The following ATP9B variants were observed in gnomAD, a reference collection of about 807,000 sequenced individuals.
ATP9B encodes probable phospholipid-transporting ATPase IIB.
A neutral mutation model predicts 146.1 loss-of-function variants in ATP9B; 110 were observed. The observed-to-expected ratio is 0.75, with a 90% confidence interval of 0.65 to 0.88. The LOEUF (loss-of-function observed/expected upper bound fraction) is 0.88. ATP9B is among the 40% of genes least tolerant of loss of function. ATP9B has a pLI of 0.00. For missense variants in ATP9B, 1,499 were observed against 1,496.4 expected (o/e 1.00, Z -0.03); for synonymous variants, 604 against 569.7 (o/e 1.06, Z -0.86).
intron 7 of ATP9B, among the ~76,000 whole-genome samples, chr18:79,155,579 G>A (rs2094762196): frequency 6.6e-6 from 1 of 151,928 alleles, no homozygotes; most frequent in African/African-American, 2.4e-5. Context: ...AGTTTTTATA[G>A]GAAGCTAAGC....
chr18:79,354,863 G>A (rs963155203), intron 25 of ATP9B, among the ~76,000 whole-genome samples: 2 of 152,242 alleles, frequency 1.3e-5, no homozygotes, highest in South Asian at 2.1e-4. Flanking sequence ...CTCTCCAACC[G>A]TGGGTCCACG....
chr18:79,314,505 TGAAGTGTGATGTGTCTTGTGTG>T (rs1437789077), intron 15 of ATP9B, among the ~76,000 whole-genome samples: 29 of 152,190 alleles, frequency 1.9e-4, no homozygotes, highest in African/African-American at 6.8e-4. Flanking sequence ...ATTAAACACT[TGAAGTGTGATGTGTCTTGTGTG>T]GTATGTGTGG....
intron 5 of ATP9B, among the ~76,000 whole-genome samples, chr18:79,132,633 C>T (rs2094394535): frequency 6.6e-6 from 1 of 152,192 alleles, no homozygotes. Context: ...TATTATTGAG[C>T]ACAGTTTAAA....
intron 6 of ATP9B, among the ~76,000 whole-genome samples, chr18:79,147,246 TTA>T (rs2094606136): frequency 1.0e-5 from 1 of 95,892 alleles, no homozygotes; most frequent in Non-Finnish European, 2.3e-5. Context: ...GCAAGTCCAG[TTA>T]CAAGTGGTTA....
At chr18:79,365,301 G>A (rs746670189) in intron 26 of ATP9B, among the ~76,000 whole-genome samples, 3 of 152,126 alleles carry the variant, frequency 2.0e-5, no homozygotes, top group African/African-American at 7.2e-5. Context: ...TGAAGCCACC[G>A]TGAGATGCCG....
chr18:79,310,876 C>CA (rs2096648920), intron 15 of ATP9B, among the ~76,000 whole-genome samples: 1 of 152,072 alleles, frequency 6.6e-6, no homozygotes, highest in Admixed American at 6.5e-5. Context: ...TGGGGCCAGG[C>CA]ATGGTGGGTC....
rs116790577 is a variant in ATP9B at position 79,069,437 on chromosome 18, G to C, written c.27G>C (p.Pro9=). MADQIPLY[P]VRSAAAAAAN... is the part of the protein sequence containing the mutation. ...TGGCGGACCAGATCCCGCTTTACCC[G>C]GTGCGTAGCGCAGCGGCGGCCGCAG... The change falls in exon 1 of 30, where the codon CCG becomes CCC. Residue 9 remains proline (P), a synonymous_variant. Coordinates refer to ENST00000426216, the MANE Select transcript of ATP9B (RefSeq NM_198531.5). 7.9e-6 allele frequency: 12 copies of C among 1,519,536 alleles called. No homozygotes were observed. The highest frequency in any genetic ancestry group is 1.1e-5 in the Non-Finnish European group (12 of 1,137,784). The allele number at this position is 1,519,536 out of a possible 1,614,324, so 94.1% of individuals were successfully genotyped here. A position where few individuals can be genotyped will look rare whatever the true frequency, so the allele number is the denominator to read the frequency against.
At chr18:79,203,568 A>C (rs1216898800) in intron 9 of ATP9B, among the ~76,000 whole-genome samples, 1 of 152,206 alleles carries the variant, frequency 6.6e-6, no homozygotes, top group Admixed American at 6.5e-5. Context: ...GACAATGTTC[A>C]TTGCCTATTC....
chr18:79,183,266 A>G (rs1006152304), intron 8 of ATP9B, among the ~76,000 whole-genome samples: 1 of 152,132 alleles, frequency 6.6e-6, no homozygotes, highest in Admixed American at 6.5e-5. Context: ...TCATTTTGAA[A>G]TTCTAGATTT....
intron 7 of ATP9B, among the ~76,000 whole-genome samples, chr18:79,165,838 G>C (rs1600098754): frequency 6.6e-6 from 1 of 152,164 alleles, no homozygotes; most frequent in East Asian, 1.9e-4. Context: ...CCCAATTCCT[G>C]ACAGGCTTGG....
chr18:79,183,952 C>T (rs2095278956), intron 8 of ATP9B, among the ~76,000 whole-genome samples: 1 of 152,140 alleles, frequency 6.6e-6, no homozygotes, highest in African/African-American at 2.4e-5. Flanking sequence ...TTCTCCATAA[C>T]TTTACCCAGT....
intron 12 of ATP9B, among the ~76,000 whole-genome samples, chr18:79,265,819 G>C (rs184415930): frequency 6.6e-6 from 1 of 152,234 alleles, no homozygotes; most frequent in Admixed American, 6.5e-5. Context: ...ACCCATGCCT[G>C]TGTGCTTAAT....
intron 12 of ATP9B, among the ~76,000 whole-genome samples, chr18:79,272,390 G>C (rs7227071): frequency 0.013 from 2,005 of 152,254 alleles, 41 homozygotes; most frequent in African/African-American, 0.046. Context: ...TGATGTGCCT[G>C]GTGCACATCT....
At chr18:79,074,234 A>T (rs778976211) in intron 1 of ATP9B, among the ~76,000 whole-genome samples, 2 of 152,120 alleles carry the variant, frequency 1.3e-5, no homozygotes, top group Non-Finnish European at 2.9e-5. Flanking sequence ...GGCGTCTCTT[A>T]CTAAAAGATG....
chr18:79,272,868 T>C (rs943131331), intron 12 of ATP9B, among the ~76,000 whole-genome samples: 2 of 152,202 alleles, frequency 1.3e-5, no homozygotes, highest in African/African-American at 4.8e-5. Flanking sequence ...CTGTCATTGG[T>C]CTAAGAAGGT....
At chr18:79,317,857 A>T (rs897652748) in intron 15 of ATP9B, among the ~76,000 whole-genome samples, 1 of 152,198 alleles carries the variant, frequency 6.6e-6, no homozygotes, top group African/African-American at 2.4e-5. Flanking sequence ...AAATACCCAG[A>T]CTGAGCCTGG....
chr18:79,369,020 C>T (rs182583948), intron 26 of ATP9B, among the ~76,000 whole-genome samples: 6 of 152,194 alleles, frequency 3.9e-5, no homozygotes, highest in Admixed American at 3.9e-4. Flanking sequence ...TCTTGATATG[C>T]TTTGACTGCA....
At chr18:79,184,922 G>T (rs117135375) in intron 8 of ATP9B, among the ~76,000 whole-genome samples, 1 of 152,038 alleles carries the variant, frequency 6.6e-6, no homozygotes, top group Non-Finnish European at 1.5e-5. Context: ...ATTTAATTTT[G>T]CTAAGTGTAG....
At chr18:79,154,889 A>T (rs1476835420) in intron 7 of ATP9B, among the ~76,000 whole-genome samples, 2 of 152,246 alleles carry the variant, frequency 1.3e-5, no homozygotes. Context: ...AGTATATTGA[A>T]TTCATTAACA....
Sources: allele counts gnomAD v4.1 joint callset (sites outside exome capture counted in the v4.1 genomes callset), GRCh38; gene constraint gnomAD v4.1.1; transcripts MANE v1.5; gene names NCBI Gene and HGNC (gene_info 2026-07-23, HGNC 2026-07-21).